Variants in NPHP4 observed in about 807,000 individuals in gnomAD.
NPHP4 encodes nephrocystin-4.
In NPHP4, 151 loss-of-function variants were observed where a neutral mutation model predicts 155.8. The ratio of observed to expected loss-of-function variants is 0.97; its 90% confidence interval spans 0.85 to 1.11. The LOEUF (loss-of-function observed/expected upper bound fraction) is 1.11, where lower values mean the gene tolerates loss of function less well. Ranked by LOEUF, NPHP4 falls within the 50% of genes least tolerant of loss-of-function variation. The pLI, the probability that NPHP4 is intolerant of heterozygous loss-of-function variation, is 0.00. For missense variants in NPHP4, 1,956 were observed against 1,925.7 expected (o/e 1.02, Z -0.29); for synonymous variants, 845 against 816.8 (o/e 1.03, Z -0.59).
chr1:5,934,976 A>G (rs1646461908), intron 9 of NPHP4, among the ~76,000 whole-genome samples: 1 of 152,184 alleles, frequency 6.6e-6, no homozygotes, highest in Non-Finnish European at 1.5e-5. Flanking sequence ...GACTGCACTC[A>G]GGTCCCACAC....
At chr1:5,932,877 T>C (rs981237801) in intron 10 of NPHP4, among the ~76,000 whole-genome samples, 3 of 152,116 alleles carry the variant, frequency 2.0e-5, no homozygotes, top group Non-Finnish European at 4.4e-5. Flanking sequence ...CACAGGTGAA[T>C]CTTGCTGCAA....
At chr1:5,990,873 C>G (rs1391192209) in intron 1 of NPHP4, among the ~76,000 whole-genome samples, 2 of 152,204 alleles carry the variant, frequency 1.3e-5, no homozygotes, top group Non-Finnish European at 2.9e-5. Context: ...GTGAAATCTC[C>G]TTGAGATCTC....
intron 28 of NPHP4, 118 bp from the exon 29 acceptor site, chr1:5,864,151 A>C: frequency 8.1e-7 from 1 of 1,240,580 alleles, no homozygotes; most frequent in East Asian, 2.5e-5. Context: ...CACAGAGATA[A>C]GACAGACGCT....
At chr1:5,929,479 T>C (rs760529311) in intron 10 of NPHP4, among the ~76,000 whole-genome samples, 4 of 152,226 alleles carry the variant, frequency 2.6e-5, no homozygotes, top group African/African-American at 4.8e-5. Context: ...TTTCTTTTAT[T>C]GCTAGTTTGC....
intron 16 of NPHP4, among the ~76,000 whole-genome samples, chr1:5,895,791 A>G (rs777937344): frequency 3.3e-5 from 5 of 152,260 alleles, no homozygotes; most frequent in Non-Finnish European, 5.9e-5. Context: ...ACAAACGTCT[A>G]TTAGGAGACC....
chr1:5,893,172 C>T (rs1644223145), intron 16 of NPHP4, among the ~76,000 whole-genome samples: 1 of 152,138 alleles, frequency 6.6e-6, no homozygotes, highest in Non-Finnish European at 1.5e-5. Context: ...CTGTGGGGAC[C>T]AGCCTCACAG....
At chr1:5,923,659 C>G (rs1017521275) in intron 11 of NPHP4, among the ~76,000 whole-genome samples, 3 of 152,218 alleles carry the variant, frequency 2.0e-5, no homozygotes, top group African/African-American at 7.2e-5. Context: ...CGGGCAGAGC[C>G]CTCTGGGGGC....
At chr1:5,929,218 G>A (rs1355996506) in intron 10 of NPHP4, among the ~76,000 whole-genome samples, 1 of 152,098 alleles carries the variant, frequency 6.6e-6, no homozygotes, top group Non-Finnish European at 1.5e-5. Context: ...CAGAATCTTT[G>A]GCATAGACAA....
chr1:5,928,219 T>G (rs1435766657), intron 10 of NPHP4, among the ~76,000 whole-genome samples: 4 of 152,176 alleles, frequency 2.6e-5, no homozygotes, highest in Non-Finnish European at 5.9e-5. Flanking sequence ...ACCCAGCCCA[T>G]GCCTAACCCG....
chr1:5,905,843 C>A lies in NPHP4; in HGVS notation c.1612-60G>T. 6.6e-7 allele frequency: 1 copy of A among 1,512,230 alleles called. No homozygotes were observed. The highest frequency in any genetic ancestry group is 1.2e-5 in the South Asian group (1 of 81,212). 93.7% of individuals were successfully genotyped at this position (1,512,230 alleles called of 1,614,324 possible). A position where few individuals can be genotyped will look rare whatever the true frequency, so the allele number is the denominator to read the frequency against. On this transcript the variant is annotated intron_variant, in intron 13 of 29. Coordinates refer to ENST00000378156, the MANE Select transcript of NPHP4 (RefSeq NM_015102.5). The surrounding 1 kb of genome is among the most constrained non-coding windows in gnomAD (Gnocchi z 4.0). ...AAGGACCCCAACCCGTAACAACCAA[C>A]GGTGCTCAGATCTAAGGGGATTCAT...
chr1:5,986,471 TTTG>T (rs1354208295), intron 1 of NPHP4, 144 bp from the exon 2 acceptor site: 1 of 643,332 alleles, frequency 1.6e-6, no homozygotes, highest in Non-Finnish European at 2.5e-6. Context: ...AAGAGTGGAC[TTTG>T]TTGCTGGCTG....
At chr1:5,952,886 A>G (rs1480494009) in intron 6 of NPHP4, 50 bp from the exon 7 acceptor site, 1 of 1,521,082 alleles carries the variant, frequency 6.6e-7, no homozygotes. Context: ...TAAAACACCC[A>G]CTGGCAGCCA....
intron 19 of NPHP4, chr1:5,879,749 T>C (rs759873803): frequency 5.4e-4 from 214 of 394,626 alleles, no homozygotes; most frequent in Non-Finnish European, 9.7e-4. Context: ...TAGATGCAGA[T>C]GGGCATTAAC....
intron 9 of NPHP4, among the ~76,000 whole-genome samples, chr1:5,940,014 T>C (rs936804411): frequency 6.6e-6 from 1 of 152,090 alleles, no homozygotes; most frequent in Non-Finnish European, 1.5e-5. Context: ...GCAGAAAGCA[T>C]CCCACGTGCA....
chr1:5,914,415 C>T (rs1420132162), intron 11 of NPHP4, among the ~76,000 whole-genome samples: 2 of 152,070 alleles, frequency 1.3e-5, no homozygotes, highest in Non-Finnish European at 2.9e-5. Context: ...GCCTGGACAA[C>T]AGAGTGAGAT....
At position 5,877,318 on chromosome 1, in the gene NPHP4, C is replaced by A; in HGVS notation, c.2612-20G>T. 3 of 1,565,740 alleles carry A rather than the reference C, an allele frequency of 1.9e-6. No homozygotes were observed. The highest frequency in any genetic ancestry group is 2.6e-6 in the Non-Finnish European group (3 of 1,146,600). ...GTTTTCCTGCGAAAGGGTCAGAGCG[C>A]GAGTCAGGTAGACGTGCAGTGTCTG... On this transcript the variant is annotated intron_variant, in intron 19 of 29. Coordinates refer to ENST00000378156, the MANE Select transcript of NPHP4 (RefSeq NM_015102.5).
chr1:5,939,111 C>T (rs894331143), intron 9 of NPHP4, among the ~76,000 whole-genome samples: 3 of 152,150 alleles, frequency 2.0e-5, no homozygotes, highest in Non-Finnish European at 4.4e-5. Flanking sequence ...ATAAACATTG[C>T]AGCCACAAGT....
rs977965740 is a variant in NPHP4 at position 5,888,525 on chromosome 1, C to T, written c.2305-1059G>A. ...CAGACCCTGGTCGCTTTGCCACACT[C>T]GTCTACACTGCATACGATCACTGCA... On this transcript the variant is annotated intron_variant, in intron 17 of 29. Coordinates refer to ENST00000378156, the MANE Select transcript of NPHP4 (RefSeq NM_015102.5). 2.6e-5 allele frequency: 35 copies of T among 1,326,062 alleles called. No homozygotes were observed. In the Admixed American group the frequency reaches 5.9e-4, roughly 22 times the overall value. 82.1% of individuals were successfully genotyped at this position (1,326,062 alleles called of 1,614,324 possible). A position where few individuals can be genotyped will look rare whatever the true frequency, so the allele number is the denominator to read the frequency against.
At position 5,885,036 on chromosome 1, in the gene NPHP4, C is replaced by T. The variant is rs546653531; in HGVS notation, c.2485+2250G>A. Reference sequence around the variant, plus strand: ...CCATCCTACGCCGCAACCAAGATCACTGCCCAAGCTCCCAGCCGAGCCCCC... The same window carrying T: ...CCATCCTACGCCGCAACCAAGATCATTGCCCAAGCTCCCAGCCGAGCCCCC... On this transcript the variant is annotated intron_variant, in intron 18 of 29. Transcript: ENST00000378156. Among the ~76,000 whole-genome samples the T allele has an allele frequency of 6.3e-4, 89 of 141,352 alleles. 1 individual carries two copies. The highest frequency in any genetic ancestry group is 6.1e-3 in the Admixed American group (87 of 14,164). The allele number at this position is 141,352 out of a possible 152,430, so 92.7% of individuals were successfully genotyped here. A position where few individuals can be genotyped will look rare whatever the true frequency, so the allele number is the denominator to read the frequency against.
Sources: allele counts gnomAD v4.1 joint callset (sites outside exome capture counted in the v4.1 genomes callset), GRCh38; gene constraint gnomAD v4.1.1; non-coding constraint Gnocchi (gnomAD v3.1); transcripts MANE v1.5; gene names NCBI Gene and HGNC (gene_info 2026-07-23, HGNC 2026-07-21).